TRIM37: variants seen among roughly 807,000 people sequenced by gnomAD.
TRIM37 encodes E3 ubiquitin-protein ligase TRIM37.
TRIM37 carries 80 observed loss-of-function variants against 129.8 expected under a neutral mutation model. The ratio of observed to expected loss-of-function variants is 0.62; its 90% CI spans 0.51 to 0.74. The LOEUF is 0.74. Among genes scored for constraint, TRIM37 ranks in the 30% least tolerant of loss-of-function variants. TRIM37 has a pLI of 0.00. For missense variants in TRIM37, 1,054 were observed against 1,176.5 expected (o/e 0.90, Z 1.52); for synonymous variants, 389 against 387.1 (o/e 1.00, Z -0.06).
At chr17:59,081,964 AAATAAT>A (rs1371563147) in intron 5 of TRIM37, among the ~76,000 whole-genome samples, 6 of 87,202 alleles carry the variant, frequency 6.9e-5, no homozygotes, top group East Asian at 3.1e-4. Context: ...AAAAAAAAAA[AAATAAT>A]AATAATAATA....
intron 11 of TRIM37, 111 bp downstream of exon 11, chr17:59,062,456 T>C: frequency 4.6e-6 from 4 of 861,412 alleles, no homozygotes; most frequent in South Asian, 2.9e-5. Flanking sequence ...GGACAGCATA[T>C]GTAACAAAAA....
Position 59,039,578 on chromosome 17 carries a change from A to T in TRIM37, c.1753+2235T>A, listed in dbSNP as rs1004506899. Among the ~76,000 whole-genome samples the T allele has an allele frequency of 7.2e-5, 11 of 151,880 alleles. No individual in the cohort carries two copies. In the East Asian group the frequency reaches 2.2e-3, roughly 30 times the overall value. On this transcript the variant is annotated intron_variant, in intron 17 of 23. Transcript: ENST00000262294. ...GCCAGGATGGTCTCAATCTGCTGAC[A>T]TCGTGATCCACCCACCTCGGCCTCC...
chr17:59,028,781 G>A (rs2145523168), intron 18 of TRIM37, 58 bp from the exon 19 acceptor site: 2 of 1,583,484 alleles, frequency 1.3e-6, no homozygotes, highest in Non-Finnish European at 1.7e-6. Flanking sequence ...GAAATCATTT[G>A]TACCATGAAT....
At chr17:59,061,150 C>T in intron 11 of TRIM37, 42 bp from the exon 12 acceptor site, 1 of 1,509,298 alleles carries the variant, frequency 6.6e-7, no homozygotes, top group Non-Finnish European at 9.2e-7. Context: ...AAAATTAAGC[C>T]ACAATAAAAC....
chr17:59,058,803 G>A (rs1410567826), intron 12 of TRIM37, among the ~76,000 whole-genome samples: 1 of 152,116 alleles, frequency 6.6e-6, no homozygotes, highest in Non-Finnish European at 1.5e-5. Context: ...GGTTGAGGCT[G>A]CAGTGAGCCA....
chr17:58,992,327 A>G (rs1239170212), intron 24 of TRIM37, among the ~76,000 whole-genome samples: 2 of 145,200 alleles, frequency 1.4e-5, no homozygotes, highest in South Asian at 2.1e-4. Context: ...ATGTAAATAT[A>G]TATATATATA....
At position 59,046,529 on chromosome 17, in the gene TRIM37, C is replaced by T. The variant is rs575018773; in HGVS notation, c.1667+1154G>A. On this transcript the variant is annotated intron_variant, in intron 16 of 23. Transcript: ENST00000262294. ...TCTGTATTTCTCAGAAAGTATTAGT[C>T]ATGAAAAACAGTTTTTTTTTTTTTT... is the stretch of plus-strand genomic sequence containing the variant. 1.0e-4 allele frequency among the ~76,000 whole-genome samples: 15 copies of T among 149,560 alleles called. No individual in the cohort carries two copies. The East Asian group carries it at 3.0e-3, about 30-fold the overall frequency.
At position 59,051,271 on chromosome 17, in the gene TRIM37, AATG is replaced by A. The variant is rs2040315984; in HGVS notation, c.1254_1256del (p.Ile419del). The A allele has an allele frequency of 6.2e-7, 1 of 1,613,948 alleles. No homozygotes were observed. ...TAGTCTGTGCAGCTTCCAACTGAGT[AATG>A]TACCAATGCTGGTCCCGGGATTTTT... is the stretch of plus-strand genomic sequence containing the variant. On this transcript the variant is annotated inframe_deletion, in exon 14 of 24. Transcript: ENST00000262294.
At chr17:59,023,718 T>G (rs1463025263) in intron 19 of TRIM37, among the ~76,000 whole-genome samples, 1 of 151,686 alleles carries the variant, frequency 6.6e-6, no homozygotes, top group Non-Finnish European at 1.5e-5. Context: ...TCAAATTTAA[T>G]GAGAAAAAAA....
chr17:59,015,987 A>G (rs537982440), intron 20 of TRIM37, among the ~76,000 whole-genome samples, 188 bp from the exon 21 acceptor site: 1 of 152,128 alleles, frequency 6.6e-6, no homozygotes, highest in Non-Finnish European at 1.5e-5. Context: ...AAAAAATAAA[A>G]TAAAATAAAA....
chr17:58,971,197 T>G, the TRIM37 span, among the ~76,000 whole-genome samples: 1 of 152,266 alleles, frequency 6.6e-6, no homozygotes, highest in East Asian at 1.9e-4. Flanking sequence ...TGAAGTGTGT[T>G]TATCATGTGT....
Position 59,015,703 on chromosome 17 carries a change from C to T in TRIM37, c.2483G>A (p.Arg828Gln), listed in dbSNP as rs371137363. Residue 828 changes from arginine to glutamine, a missense_variant, in exon 21 of 24, where the codon CGG becomes CAG. Physicochemically the swap from Arg to Gln is conservative, Grantham distance 43 (BLOSUM62 1). Transcript: ENST00000262294. ...IGDILPKTEDRQCKALDSDAV... is the reference protein window; with the variant it reads ...IGDILPKTEDQQCKALDSDAV... Reference sequence around the variant, plus strand: ...ATCTGAATCCAAAGCTTTACACTGCCGGTCTTCAGTTTTTGGCAGAATATC... The same window carrying T: ...ATCTGAATCCAAAGCTTTACACTGCTGGTCTTCAGTTTTTGGCAGAATATC... 11 of 1,613,990 alleles carry T rather than the reference C, an allele frequency of 6.8e-6. No homozygotes were observed. Among genetic ancestry groups the T allele is most frequent in the South Asian group, 2.2e-5 (2 of 91,084 alleles).
In TRIM37 at chr17:59,000,347, C is replaced by A. The variant is rs933759668; in HGVS notation, c.2813-888G>T. Among the ~76,000 whole-genome samples the A allele has an allele frequency of 2.6e-5, 4 of 152,022 alleles. No homozygotes were observed. The East Asian group carries it at 7.7e-4, about 29-fold the overall frequency. On this transcript the variant is annotated intron_variant, in intron 23 of 23. Coordinates refer to ENST00000262294, the MANE Select transcript of TRIM37 (RefSeq NM_015294.6). Reference sequence around the variant, plus strand: ...TGGCATGGTAGCTCACACCTGTAACCCCAGTACTTTGGGAGGCCAAGGTGG... The same window carrying A: ...TGGCATGGTAGCTCACACCTGTAACACCAGTACTTTGGGAGGCCAAGGTGG...
intron 3 of TRIM37, among the ~76,000 whole-genome samples, chr17:59,089,641 AAAAT>A (rs1482698491): frequency 1.3e-5 from 2 of 152,172 alleles, no homozygotes; most frequent in Non-Finnish European, 2.9e-5. Flanking sequence ...CTCCATCTCA[AAAAT>A]AAATAAATAA....
chr17:59,023,631 G>C (rs928618456), intron 19 of TRIM37, among the ~76,000 whole-genome samples: 3 of 151,804 alleles, frequency 2.0e-5, no homozygotes, highest in Non-Finnish European at 2.9e-5. Flanking sequence ...CCCTAGCCTG[G>C]GTGACAGAGC....
At chr17:59,025,017 G>C (rs970315591) in intron 19 of TRIM37, among the ~76,000 whole-genome samples, 1 of 152,158 alleles carries the variant, frequency 6.6e-6, no homozygotes, top group Non-Finnish European at 1.5e-5. Flanking sequence ...GACAAATACT[G>C]GGTTAAACAA....
chr17:58,977,351 G>GAGA, the TRIM37 span, among the ~76,000 whole-genome samples: 1,375 of 151,608 alleles, frequency 9.1e-3, 24 homozygotes, highest in African/African-American at 0.031. Flanking sequence ...GCTGAGGCAG[G>GAGA]AGAATTGCTT....
In TRIM37 at chr17:58,998,416, T is replaced by C. The variant is rs3826354; in HGVS notation, c.*961A>G. ...ACTTTCAGTGTAATTTCCACAAATA[T>C]ATAGCAGCTCAAACACAAATGCAGG... On this transcript the variant is annotated 3_prime_UTR_variant, in exon 24 of 24. Coordinates refer to ENST00000262294, the MANE Select transcript of TRIM37 (RefSeq NM_015294.6). The C allele has an allele frequency of 9.7e-5, 96 of 985,418 alleles. 1 individual carries two copies. In the East Asian group the frequency reaches 8.1e-3, roughly 83 times the overall value. The allele number at this position is 985,418 out of a possible 1,614,324, so 61.0% of individuals were successfully genotyped here.
chr17:59,080,537 A>C (rs1381715919), intron 6 of TRIM37, among the ~76,000 whole-genome samples: 1 of 152,208 alleles, frequency 6.6e-6, no homozygotes, highest in Non-Finnish European at 1.5e-5. Flanking sequence ...TTACACCTGT[A>C]ATCTTAGCAC....
Sources: gnomAD v4.1 joint callset for allele counts (sites outside exome capture counted in the v4.1 genomes callset) on GRCh38, gnomAD v4.1.1 for gene constraint, MANE v1.5 for transcripts, NCBI Gene and HGNC (gene_info 2026-07-23, HGNC 2026-07-21) for gene names.